The following HELZ2 variants were observed in gnomAD, a reference collection of about 807,000 sequenced individuals.
HELZ2 encodes the protein 3'-5' exoribonuclease HELZ2.
HELZ2 carries 143 observed loss-of-function variants against 208.8 expected under a neutral mutation model. The observed-to-expected ratio is 0.68, with a 90% confidence interval of 0.60 to 0.79. The LOEUF is 0.79. HELZ2 is among the 30% of genes least tolerant of loss of function. The pLI, the probability that HELZ2 is intolerant of heterozygous loss-of-function variation, is 0.00. For synonymous variants in HELZ2, 1,705 were observed against 1,693.7 expected (o/e 1.01, Z -0.16); for missense variants, 3,690 against 3,794.5 (o/e 0.97, Z 0.72).
chr20:63,559,526 GAGTC>G (rs1388393460), intron 18 of HELZ2, among the ~76,000 whole-genome samples, 156 bp from the exon 20 acceptor site: 3 of 61,708 alleles, frequency 4.9e-5, no homozygotes, highest in South Asian at 1.8e-3. Context: ...GAGTCAGTCA[GAGTC>G]AGGTGGGAGG....
At chr20:63,563,868 G>A (rs370806860) in exon 8 of HELZ2, 38 of 1,595,700 alleles carry the variant, frequency 2.4e-5, no homozygotes, top group Middle Eastern at 1.7e-4. Flanking sequence ...TGGTGGCCCC[G>A]GGCGCAGCGG....
chr20:63,569,058 C>G, intron 4 of HELZ2, 59 bp from the exon 6 acceptor site: 1 of 1,593,664 alleles, frequency 6.3e-7, no homozygotes, highest in Non-Finnish European at 8.5e-7. Flanking sequence ...GCTGCCAAGT[C>G]CACGCCCCCA....
chr20:63,564,531 G>T, exon 8 of HELZ2: 2 of 1,578,648 alleles, frequency 1.3e-6, no homozygotes, highest in Admixed American at 3.7e-5. Flanking sequence ...TCCATGGTGA[G>T]GAACAGGGAG....
chr20:63,565,555 G>A (rs767273485), exon 8 of HELZ2: 103 of 1,607,304 alleles, frequency 6.4e-5, no homozygotes, highest in Admixed American at 1.5e-4. Flanking sequence ...CGTCCTCCCC[G>A]ACGGTCACCA....
In HELZ2 at chr20:63,568,256, C is replaced by T. The variant is rs1253114078; in HGVS notation, c.1730+102G>A. On this transcript the variant is annotated intron_variant, in intron 5 of 18. Coordinates refer to ENST00000467148, the Ensembl canonical transcript of HELZ2. ...CAAAGCTGGTCGGCTACAGGGAGTG[C>T]AGAATCAGAGGACTGGAGCACATCC... 9 of 899,036 alleles carry T rather than the reference C, an allele frequency of 1.0e-5. No individual in the cohort carries two copies. In the Admixed American group the frequency reaches 2.2e-4, roughly 22 times the overall value. The allele number at this position is 899,036 out of a possible 1,614,324, so 55.7% of individuals were successfully genotyped here.
exon 17 of HELZ2, chr20:63,560,251 G>T: frequency 6.4e-7 from 1 of 1,560,414 alleles, no homozygotes. Context: ...AGAGGCCTGC[G>T]CGTTGTAGGG....
chr20:63,568,472 G>A lies in HELZ2; in HGVS notation c.1616C>T (p.Pro539Leu), dbSNP rs759601706. The A allele has an allele frequency of 3.6e-5, 58 of 1,592,868 alleles. No homozygotes were observed. The highest frequency in any genetic ancestry group is 1.7e-4 in the Middle Eastern group (1 of 6,056). ...GCCAAAGGGGCCATAGATGAGTAGC[G>A]GGGGGACACGCCTCCCATCCCCAGG... Residue 539 changes from proline (P) to leucine (L), a missense_variant, in exon 5 of 19, where the codon CCG becomes CTG. Physicochemically the swap from Pro to Leu is moderately conservative, Grantham distance 98 (BLOSUM62 -3). Around this residue, in one of 3 missense-constraint regions of HELZ2, gnomAD observed 1,119 missense variants for 1,193.4 expected, o/e 0.94. Transcript: ENST00000467148.
chr20:63,566,332 G>C (rs372412870), intron 7 of HELZ2, 46 bp downstream of exon 8: 131 of 1,532,566 alleles, frequency 8.5e-5, no homozygotes, highest in Non-Finnish European at 1.1e-4. Context: ...AGCCACCCGG[G>C]GTATCCTGGG....
chr20:63,561,580 C>T (rs2082887235), intron 12 of HELZ2, 21 bp downstream of exon 13: 1 of 1,590,904 alleles, frequency 6.3e-7, no homozygotes, highest in African/African-American at 1.3e-5. Flanking sequence ...TCCGCCCAAG[C>T]CCCAAAGACA....
rs370330750 is a variant in HELZ2 at position 63,570,615 on chromosome 20, C to T, written c.463-4G>A. 7.6e-5 allele frequency: 122 copies of T among 1,606,064 alleles called. No homozygotes were observed. Among genetic ancestry groups the T allele is most frequent in the Non-Finnish European group, 1.0e-4 (120 of 1,174,600 alleles). ...CTCCATCAAGGGTCTCTGCCAGCTG[C>T]GTGGAAGTCTAGCCTTCAGCAAGAG... On this transcript the variant is annotated splice_polypyrimidine_tract_variant and splice_region_variant and intron_variant, in intron 2 of 18. Transcript: ENST00000467148.
rs756883494 is a variant in HELZ2 at position 63,569,607 on chromosome 20, A to G, written c.629T>C (p.Val210Ala). ...CCGGCCTGGCGGGAGGCCGGGAGCC[A>G]CCAGAGAGAAGTCGGCTCCTGGCTC... Residue 210 changes from valine (V) to alanine (A), a missense_variant, in exon 4 of 19, where the codon GTG becomes GCG. Physicochemically the swap from Val to Ala is moderately conservative, Grantham distance 64 (BLOSUM62 0). Coordinates refer to ENST00000467148, the Ensembl canonical transcript of HELZ2. The G allele has an allele frequency of 2.6e-6, 4 of 1,558,868 alleles. 1 individual carries two copies. In the South Asian group the frequency reaches 3.5e-5, roughly 14 times the overall value.
chr20:63,562,586 G>C, exon 8 of HELZ2: 1 of 1,599,334 alleles, frequency 6.3e-7, no homozygotes, highest in Non-Finnish European at 8.5e-7. Context: ...CACCTCTTCC[G>C]GAACCTTCTC....
In HELZ2 at chr20:63,570,919, T is replaced by C. The variant is rs765244182; in HGVS notation, c.279-51A>G. The stretch of plus-strand genomic sequence containing the variant: ...CTACACAGAGGCACAGCCGCCGTGC[T>C]GAGTTCAAAGGCCGGGACCCCTCAG... On this transcript the variant is annotated intron_variant, in intron 1 of 18. Transcript: ENST00000467148. 9.4e-6 allele frequency: 14 copies of C among 1,481,534 alleles called. No individual in the cohort carries two copies. The East Asian group carries it at 3.0e-4, about 32-fold the overall frequency. The allele number at this position is 1,481,534 out of a possible 1,614,324, so 91.8% of individuals were successfully genotyped here.
chr20:63,559,977 G>A, exon 18 of HELZ2: 1 of 1,612,236 alleles, frequency 6.2e-7, no homozygotes, highest in East Asian at 2.2e-5. Flanking sequence ...CATTCACTTG[G>A]TTGGGGTCCA....
exon 4 of HELZ2, chr20:63,569,516 A>T: frequency 6.2e-7 from 1 of 1,610,186 alleles, no homozygotes; most frequent in South Asian, 1.1e-5. Context: ...CAGCCTGCAC[A>T]CGCACTCCCA....
At chr20:63,564,025 C>A in exon 8 of HELZ2, 1 of 1,604,910 alleles carries the variant, frequency 6.2e-7, no homozygotes, top group Non-Finnish European at 8.5e-7. Flanking sequence ...AGAGGGAGGC[C>A]AGGAGGTGCA....
chr20:63,561,053 C>T lies in HELZ2; in HGVS notation c.7146+29G>A, dbSNP rs375342011. The T allele has an allele frequency of 4.2e-5, 68 of 1,601,338 alleles. No homozygotes were observed. The South Asian group carries it at 6.4e-4, about 15-fold the overall frequency. ...GGAGACTGTGCCAGGGACGCCTGCTCATGCTGCCCACACCCCCCGCCGACC... is the reference window on the plus strand; with the variant it reads ...GGAGACTGTGCCAGGGACGCCTGCTTATGCTGCCCACACCCCCCGCCGACC... On this transcript the variant is annotated intron_variant, in intron 14 of 18. Coordinates refer to ENST00000467148, the Ensembl canonical transcript of HELZ2.
At position 63,560,891 on chromosome 20, in the gene HELZ2, C is replaced by T. The variant is rs2180616; in HGVS notation, c.7185G>A (p.Val2395=). The T allele has an allele frequency of 7.0e-3, 11,265 of 1,613,138 alleles. 564 individuals carry two copies. In the African/African-American group the frequency reaches 0.12, roughly 17 times the overall value. The stretch of plus-strand genomic sequence containing the variant: ...GGTTTTGCAGCCGCTCATTCTTGAC[C>T]ACAGGCCGCAGCTGCTTGTGGTCTC... Residue 2395 remains valine (V), a synonymous_variant, in exon 15 of 19, where the codon GTG becomes GTA. Coordinates refer to ENST00000467148, the Ensembl canonical transcript of HELZ2.
exon 4 of HELZ2, chr20:63,569,172 G>A (rs755204274): frequency 7.1e-6 from 11 of 1,550,432 alleles, no homozygotes; most frequent in African/African-American, 4.1e-5. Context: ...CTGCTGAGCC[G>A]CCTCCTCCTC....
Sources: allele counts gnomAD v4.1 joint callset (sites outside exome capture counted in the v4.1 genomes callset), GRCh38; gene constraint gnomAD v4.1.1; regional missense constraint gnomAD v4.1.1; transcripts MANE v1.5; gene names NCBI Gene and HGNC (gene_info 2026-07-23, HGNC 2026-07-21).